The following PDE7B variants were observed in gnomAD, a reference collection of about 807,000 sequenced individuals.
PDE7B encodes 3',5'-cyclic-AMP phosphodiesterase 7B.
Under a neutral mutation model 56.2 loss-of-function variants are expected in PDE7B, and 29 were observed. The observed-to-expected ratio is 0.52, with a 90% CI of 0.38 to 0.70. PDE7B has a LOEUF of 0.70. Among genes scored for constraint, PDE7B ranks in the 30% least tolerant of loss-of-function variants. The pLI is 0.00. For missense variants in PDE7B, 490 were observed against 565.0 expected (o/e 0.87, Z 1.35); for synonymous variants, 197 against 196.9 (o/e 1.00, Z 0.00).
chr6:136,012,016 G>T (rs1232464997), intron 2 of PDE7B, among the ~76,000 whole-genome samples: 1 of 152,010 alleles, frequency 6.6e-6, no homozygotes, highest in Admixed American at 6.6e-5. Flanking sequence ...CACATTTGTG[G>T]CAATGTAATT....
Position 135,979,360 on chromosome 6 carries a change from C to T in PDE7B, c.82+31836C>T, listed in dbSNP as rs1036152387. Among the ~76,000 whole-genome samples, 4 of 151,700 alleles carry T rather than the reference C, an allele frequency of 2.6e-5. 1 individual carries two copies. Among genetic ancestry groups the T allele is most frequent in the East Asian group, 1.9e-4 (1 of 5,184 alleles). ...TCCCTTTTGTGGTTGTGTCTCTGCCCGGCTTTGGTATCAGGATGATGCTGG... is the reference window on the plus strand; with the variant it reads ...TCCCTTTTGTGGTTGTGTCTCTGCCTGGCTTTGGTATCAGGATGATGCTGG... On this transcript the variant is annotated intron_variant, in intron 2 of 12. Transcript: ENST00000308191.
At chr6:136,103,832 C>A (rs1218602140) in intron 2 of PDE7B, among the ~76,000 whole-genome samples, 1 of 152,168 alleles carries the variant, frequency 6.6e-6, no homozygotes, top group Non-Finnish European at 1.5e-5. Context: ...TTTTCCTCAC[C>A]CTGAAATGAC....
chr6:135,935,190 T>TTATATTTATATATATATATATATA (rs1774396084), intron 1 of PDE7B, among the ~76,000 whole-genome samples: 1 of 36,192 alleles, frequency 2.8e-5, no homozygotes, highest in African/African-American at 1.2e-4. Context: ...ATATATTTAT[T>TTATATTTATATATATATATATATA]TATATATATA....
At position 136,070,504 on chromosome 6, in the gene PDE7B, A is replaced by G. The variant is rs1051827082; in HGVS notation, c.83-38227A>G. On this transcript the variant is annotated intron_variant, in intron 2 of 12. Coordinates refer to ENST00000308191, the MANE Select transcript of PDE7B (RefSeq NM_018945.4). ...ATATTAGCATAATCAAGTCTCATGA[A>G]TAACAATATTGTTGAAAAAATATTA... 5.9e-5 allele frequency among the ~76,000 whole-genome samples: 9 copies of G among 151,916 alleles called. No homozygotes were observed. In the East Asian group the frequency reaches 1.5e-3, roughly 26 times the overall value.
chr6:135,928,519 TTA>T (rs1389032567), intron 1 of PDE7B, among the ~76,000 whole-genome samples: 2 of 101,192 alleles, frequency 2.0e-5, no homozygotes, highest in African/African-American at 6.2e-5. Flanking sequence ...ATATATTTAT[TTA>T]TATATATACA....
chr6:136,005,541 G>T (rs1258622540), intron 2 of PDE7B, among the ~76,000 whole-genome samples: 1 of 152,224 alleles, frequency 6.6e-6, no homozygotes, highest in African/African-American at 2.4e-5. Context: ...AAAAGTGGGT[G>T]AAGGACACGA....
intron 2 of PDE7B, among the ~76,000 whole-genome samples, chr6:136,017,968 A>T (rs1031706745): frequency 6.6e-6 from 1 of 152,210 alleles, no homozygotes; most frequent in African/African-American, 2.4e-5. Context: ...ATTTCAACTT[A>T]CATTTACTTA....
intron 1 of PDE7B, among the ~76,000 whole-genome samples, chr6:135,943,174 C>T (rs1774535397): frequency 6.6e-6 from 1 of 152,110 alleles, no homozygotes; most frequent in Non-Finnish European, 1.5e-5. Flanking sequence ...TTTTGTTTTA[C>T]AATCTTATCG....
At chr6:136,105,671 A>G (rs1424977499) in intron 2 of PDE7B, among the ~76,000 whole-genome samples, 1 of 152,230 alleles carries the variant, frequency 6.6e-6, no homozygotes, top group East Asian at 1.9e-4. Flanking sequence ...CAATTTAAAT[A>G]TTAGACAACT....
At chr6:136,148,435 A>G (rs537326565) in intron 4 of PDE7B, among the ~76,000 whole-genome samples, 43 of 63,096 alleles carry the variant, frequency 6.8e-4, no homozygotes, top group African/African-American at 1.9e-3. Flanking sequence ...AAGGAAAGGG[A>G]GAGAGGAGGG....
chr6:135,867,260 G>A (rs1775278805), intron 1 of PDE7B, among the ~76,000 whole-genome samples: 1 of 152,020 alleles, frequency 6.6e-6, no homozygotes, highest in Admixed American at 6.6e-5. Flanking sequence ...CATATTTCTA[G>A]TTTTTGTAAT....
rs117010101 is a variant in PDE7B at position 135,950,101 on chromosome 6, G to T, written c.82+2577G>T. Among the ~76,000 whole-genome samples the T allele has an allele frequency of 1.1e-4, 16 of 152,152 alleles. No individual in the cohort carries two copies. The East Asian group carries it at 2.9e-3, about 28-fold the overall frequency. Reference sequence around the variant, plus strand: ...TGCATCCACCTGAAGCCCAAGGACTGCCACTTCACAGCAAAATGATCCTAG... The same window carrying T: ...TGCATCCACCTGAAGCCCAAGGACTTCCACTTCACAGCAAAATGATCCTAG... On this transcript the variant is annotated intron_variant, in intron 2 of 12. Coordinates refer to ENST00000308191, the MANE Select transcript of PDE7B (RefSeq NM_018945.4).
intron 1 of PDE7B, among the ~76,000 whole-genome samples, chr6:135,933,052 T>A (rs1176264953): frequency 6.6e-6 from 1 of 152,178 alleles, no homozygotes; most frequent in African/African-American, 2.4e-5. Context: ...TCTGTCTCCA[T>A]GGTTTTTGGT....
intron 8 of PDE7B, among the ~76,000 whole-genome samples, chr6:136,163,109 G>C (rs897245048): frequency 3.3e-5 from 5 of 152,216 alleles, no homozygotes; most frequent in Admixed American, 2.0e-4. Flanking sequence ...TGTACCAGTG[G>C]GGACTCTGTG....
At chr6:135,952,150 G>A (rs1774713010) in intron 2 of PDE7B, among the ~76,000 whole-genome samples, 1 of 152,094 alleles carries the variant, frequency 6.6e-6, no homozygotes, top group African/African-American at 2.4e-5. Flanking sequence ...ATGAGGAGAA[G>A]CCTGTTATGA....
chr6:136,053,231 C>T (rs11965026), intron 2 of PDE7B, among the ~76,000 whole-genome samples: 2,913 of 130,748 alleles, frequency 0.022, 107 homozygotes, highest in African/African-American at 0.078. Flanking sequence ...CACAACAGGC[C>T]CGGTGTGTGA....
chr6:135,911,917 G>A (rs1776218683), intron 1 of PDE7B, among the ~76,000 whole-genome samples: 1 of 152,162 alleles, frequency 6.6e-6, no homozygotes, highest in African/African-American at 2.4e-5. Context: ...TGCATTTGTA[G>A]TATACATAAT....
At chr6:136,177,685 T>A (rs559884907) in intron 9 of PDE7B, among the ~76,000 whole-genome samples, 2 of 152,314 alleles carry the variant, frequency 1.3e-5, no homozygotes, top group South Asian at 4.1e-4. Context: ...AGCAAAAATT[T>A]ATACCATCAT....
chr6:136,002,369 A>G (rs990584794), intron 2 of PDE7B, among the ~76,000 whole-genome samples: 13 of 152,238 alleles, frequency 8.5e-5, no homozygotes, highest in Non-Finnish European at 1.8e-4. Context: ...TTAAATATAA[A>G]TGGACTAAAT....
Sources: allele counts gnomAD v4.1 joint callset (sites outside exome capture counted in the v4.1 genomes callset), GRCh38; gene constraint gnomAD v4.1.1; transcripts MANE v1.5; gene names NCBI Gene and HGNC (gene_info 2026-07-23, HGNC 2026-07-21).